Variants in SEL1L2 observed in about 807,000 individuals in gnomAD.
SEL1L2 encodes protein sel-1 homolog 2.
In SEL1L2, 89 loss-of-function variants were observed where a neutral mutation model predicts 98.8. That is an observed-to-expected ratio of 0.90 (90% confidence interval 0.76 to 1.07). The LOEUF (loss-of-function observed/expected upper bound fraction) is 1.07. SEL1L2 is among the 50% of genes least tolerant of loss of function. The pLI is 0.00. For synonymous variants in SEL1L2, 262 were observed against 278.5 expected, an observed-to-expected ratio of 0.94 and a Z score of 0.59; for missense variants, 788 against 812.0, an observed-to-expected ratio of 0.97 and a Z score of 0.36.
At chr20:13,877,627 A>G (rs1345579701) in intron 10 of SEL1L2, 39 bp from the exon 11 acceptor site, 1 of 1,521,618 alleles carries the variant, frequency 6.6e-7, no homozygotes, top group South Asian at 1.1e-5. Flanking sequence ...TAGTCACAAA[A>G]TAAATCCTTC....
At chr20:13,924,867 G>A (rs1299869924) in intron 3 of SEL1L2, among the ~76,000 whole-genome samples, 3 of 151,956 alleles carry the variant, frequency 2.0e-5, no homozygotes, top group African/African-American at 7.3e-5. Context: ...GGCCAGGCAC[G>A]GTGGCTCACA....
chr20:13,919,771 CAAA>C (rs2048570084), intron 3 of SEL1L2, among the ~76,000 whole-genome samples: 1 of 151,606 alleles, frequency 6.6e-6, no homozygotes, highest in African/African-American at 2.4e-5. Context: ...ACTGAAAATA[CAAA>C]AATTAGCCAG....
At chr20:13,938,064 G>GTTTTTTC (rs1555889505) in intron 2 of SEL1L2, among the ~76,000 whole-genome samples, 2 of 150,464 alleles carry the variant, frequency 1.3e-5, no homozygotes, top group African/African-American at 4.9e-5. Context: ...GCAGAAAACC[G>GTTTTTTC]TTTTTTCTTT....
chr20:13,939,378 T>G (rs1332502472), intron 2 of SEL1L2, among the ~76,000 whole-genome samples: 1 of 151,914 alleles, frequency 6.6e-6, no homozygotes, highest in African/African-American at 2.4e-5. Context: ...AAGCAGAATA[T>G]CTTAAAAATG....
At chr20:13,856,994 T>C (rs1989270050) in intron 18 of SEL1L2, among the ~76,000 whole-genome samples, 1 of 152,226 alleles carries the variant, frequency 6.6e-6, no homozygotes, top group Non-Finnish European at 1.5e-5. Flanking sequence ...TTTGGGCTTT[T>C]AATTATCAGG....
chr20:13,901,075 C>T (rs6074658), intron 5 of SEL1L2, among the ~76,000 whole-genome samples: 100,848 of 125,984 alleles, frequency 0.8, 40,086 homozygotes, highest in South Asian at 0.85. Context: ...TTCTTTCTTT[C>T]TTTTTTTTTT....
chr20:13,864,022 A>C (rs1990599115), intron 17 of SEL1L2, among the ~76,000 whole-genome samples: 1 of 152,000 alleles, frequency 6.6e-6, no homozygotes, highest in Non-Finnish European at 1.5e-5. Context: ...TATATATCTC[A>C]ATGTACCCTT....
intron 2 of SEL1L2, among the ~76,000 whole-genome samples, chr20:13,938,209 T>A (rs2049553802): frequency 6.6e-6 from 1 of 151,726 alleles, no homozygotes; most frequent in African/African-American, 2.4e-5. Flanking sequence ...GCTTCCTGAG[T>A]AGCTGGGATT....
At chr20:13,987,313 T>TG in intron 1 of SEL1L2, among the ~76,000 whole-genome samples, 1 of 15,016 alleles carries the variant, frequency 6.7e-5, no homozygotes, top group African/African-American at 3.7e-4. Context: ...AATTTACTGT[T>TG]TTTTTTTTTT....
chr20:13,944,814 G>A (rs1482816335), intron 2 of SEL1L2, among the ~76,000 whole-genome samples: 1 of 152,176 alleles, frequency 6.6e-6, no homozygotes, highest in Non-Finnish European at 1.5e-5. Context: ...TGAAATTGGA[G>A]AACAAACAAA....
chr20:13,873,307 A>T (rs1193123913), intron 12 of SEL1L2, among the ~76,000 whole-genome samples: 2 of 151,830 alleles, frequency 1.3e-5, no homozygotes, highest in African/African-American at 4.8e-5. Flanking sequence ...TGCCATTTTC[A>T]AGAAAAGCTA....
At chr20:13,929,939 T>C (rs2049068076) in intron 3 of SEL1L2, among the ~76,000 whole-genome samples, 1 of 152,144 alleles carries the variant, frequency 6.6e-6, no homozygotes, top group African/African-American at 2.4e-5. Context: ...TACAGGCACA[T>C]GCCACCACAC....
chr20:13,883,429 C>G (rs931475946), intron 10 of SEL1L2, among the ~76,000 whole-genome samples: 1 of 152,210 alleles, frequency 6.6e-6, no homozygotes, highest in Admixed American at 6.5e-5. Flanking sequence ...ATGTAAAAAG[C>G]TCAGGTTTTG....
intron 1 of SEL1L2, among the ~76,000 whole-genome samples, chr20:13,988,336 C>G (rs1601067900): frequency 6.6e-6 from 1 of 152,056 alleles, no homozygotes; most frequent in African/African-American, 2.4e-5. Flanking sequence ...TTGTGCCTAG[C>G]CTTTAAAAAC....
intron 12 of SEL1L2, among the ~76,000 whole-genome samples, chr20:13,873,904 G>A (rs2046316763): frequency 6.6e-6 from 1 of 152,158 alleles, no homozygotes; most frequent in Non-Finnish European, 1.5e-5. Context: ...CCTTTGGACA[G>A]GAGGGGAGAA....
intron 3 of SEL1L2, among the ~76,000 whole-genome samples, chr20:13,922,481 G>A (rs1411086214): frequency 2.0e-5 from 3 of 151,992 alleles, no homozygotes; most frequent in Non-Finnish European, 4.4e-5. Flanking sequence ...CACACATAAG[G>A]GCAAATGTGA....
At chr20:13,883,477 CA>C in intron 10 of SEL1L2, among the ~76,000 whole-genome samples, 1 of 152,244 alleles carries the variant, frequency 6.6e-6, no homozygotes. Context: ...GCTTCTTAAA[CA>C]ATCTTACTTC....
chr20:13,894,641 C>A (rs550175346), intron 5 of SEL1L2, among the ~76,000 whole-genome samples: 2 of 152,038 alleles, frequency 1.3e-5, no homozygotes, highest in Non-Finnish European at 2.9e-5. Flanking sequence ...GAAGACTCAA[C>A]AAAATTCAGA....
chr20:13,907,678 TTTTCTCTTTCTTTCTTTC>T (rs1309713302), intron 5 of SEL1L2, among the ~76,000 whole-genome samples: 12 of 151,150 alleles, frequency 7.9e-5, no homozygotes, highest in East Asian at 2.0e-4. Context: ...TAATTTCTCT[TTTTCTCTTTCTTTCTTTC>T]TTTCTCTTTC....
Sources: allele counts gnomAD v4.1 joint callset (sites outside exome capture counted in the v4.1 genomes callset), GRCh38; gene constraint gnomAD v4.1.1; transcripts MANE v1.5; gene names NCBI Gene and HGNC (gene_info 2026-07-23, HGNC 2026-07-21).